The following ASB5 variants were observed in gnomAD, a reference collection of about 807,000 sequenced individuals.
ASB5 encodes ankyrin repeat and SOCS box protein 5.
ASB5 carries 45 observed loss-of-function variants against 42.1 expected under a neutral mutation model. The observed-to-expected ratio is 1.07, with a 90% confidence interval of 0.84 to 1.37. The LOEUF is 1.37. Ranked by LOEUF, ASB5 falls within the 40% of genes most tolerant of loss-of-function variation. The pLI, the probability that ASB5 is intolerant of heterozygous loss-of-function variation, is 0.00. For missense variants in ASB5, 402 were observed against 399.8 expected (o/e 1.01, Z -0.05); for synonymous variants, 147 against 150.6 (o/e 0.98, Z 0.18).
Position 176,220,481 on chromosome 4 carries a change from C to T in ASB5, c.670+674G>A, listed in dbSNP as rs190091685. Reference sequence around the variant, plus strand: ...CAGATGAGAGGATGAGAGAGAGGAACGACGCTAAAGAAAAGAGGGATGGGA... The same window carrying T: ...CAGATGAGAGGATGAGAGAGAGGAATGACGCTAAAGAAAAGAGGGATGGGA... On this transcript the variant is annotated intron_variant, in intron 5 of 6. Coordinates refer to ENST00000296525, the MANE Select transcript of ASB5 (RefSeq NM_080874.4). 9.2e-5 allele frequency among the ~76,000 whole-genome samples: 14 copies of T among 151,924 alleles called. No homozygotes were observed. The East Asian group carries it at 2.1e-3, about 23-fold the overall frequency.
chr4:176,226,491 C>A (rs1753382461), intron 1 of ASB5, among the ~76,000 whole-genome samples: 1 of 152,176 alleles, frequency 6.6e-6, no homozygotes, highest in Non-Finnish European at 1.5e-5. Flanking sequence ...TGAGGGACTT[C>A]TCAGCCTCCA....
At chr4:176,232,027 G>A (rs1364891335) in intron 1 of ASB5, among the ~76,000 whole-genome samples, 1 of 151,974 alleles carries the variant, frequency 6.6e-6, no homozygotes, top group Non-Finnish European at 1.5e-5. Flanking sequence ...ATTATAAGGA[G>A]AGGGAATAAG....
At chr4:176,268,042 T>C (rs1754391935) in intron 1 of ASB5, among the ~76,000 whole-genome samples, 2 of 152,186 alleles carry the variant, frequency 1.3e-5, no homozygotes, top group African/African-American at 4.8e-5. Context: ...GTTTTGGAGG[T>C]ATTTGGGCTA....
At chr4:176,274,113 T>C (rs1313438482), upstream of ASB5, among the ~76,000 whole-genome samples, 1 of 152,132 alleles carries the variant, frequency 6.6e-6, no homozygotes, top group East Asian at 1.9e-4. Flanking sequence ...AGCTTAAAGA[T>C]GCTGGAGGTA....
At chr4:176,243,279 A>G (rs199764271) in intron 1 of ASB5, among the ~76,000 whole-genome samples, 2 of 38,566 alleles carry the variant, frequency 5.2e-5, no homozygotes, top group Non-Finnish European at 9.4e-5. Context: ...AATTAGGTCT[A>G]TCTTTTTAAA....
At chr4:176,241,340 TAA>T in intron 1 of ASB5, 1 of 772,382 alleles carries the variant, frequency 1.3e-6, no homozygotes, top group Non-Finnish European at 2.0e-6. Context: ...TTTAAAAGTG[TAA>T]GTTTCCCATC....
chr4:176,237,820 A>G (rs950122771), intron 1 of ASB5, among the ~76,000 whole-genome samples: 9 of 152,240 alleles, frequency 5.9e-5, no homozygotes, highest in Non-Finnish European at 1.0e-4. Flanking sequence ...AATCAAATGT[A>G]AAATTGCCTG....
intron 1 of ASB5, among the ~76,000 whole-genome samples, chr4:176,236,589 T>C (rs1439785556): frequency 1.3e-5 from 2 of 152,192 alleles, no homozygotes; most frequent in Admixed American, 1.3e-4. Flanking sequence ...TATTTGAAAA[T>C]ATGCTTTGTA....
At chr4:176,237,367 C>T (rs1048545657) in intron 1 of ASB5, 6 of 985,734 alleles carry the variant, frequency 6.1e-6, no homozygotes, top group Middle Eastern at 5.2e-4. Context: ...GCCTTCTTTT[C>T]GTGAGGACCT....
intron 1 of ASB5, among the ~76,000 whole-genome samples, chr4:176,245,752 A>G (rs1467646016): frequency 6.6e-6 from 1 of 152,190 alleles, no homozygotes; most frequent in Non-Finnish European, 1.5e-5. Flanking sequence ...TTGCAGCGAC[A>G]TGGATGAAGC....
At position 176,215,612 on chromosome 4, in the gene ASB5, T is replaced by C. The variant is rs986403806; in HGVS notation, c.978A>G (p.Leu326=). 1.3e-5 allele frequency: 21 copies of C among 1,612,616 alleles called. No individual in the cohort carries two copies. The East Asian group carries it at 4.2e-4, about 33-fold the overall frequency. Residue 326 remains leucine, a synonymous_variant, in exon 7 of 7, where the codon TTA becomes TTG. Coordinates refer to ENST00000296525, the MANE Select transcript of ASB5 (RefSeq NM_080874.4). The part of the protein sequence containing the change: ...LQLPTLLKNF[L]QYR Reference sequence around the variant, plus strand: ...TTACTTTACTGTTTTATCGATACTGTAAGAAATTCTTCAGTAACGTTGGCA... The same window carrying C: ...TTACTTTACTGTTTTATCGATACTGCAAGAAATTCTTCAGTAACGTTGGCA...
chr4:176,232,969 A>G (rs1221435661), intron 1 of ASB5, among the ~76,000 whole-genome samples: 1 of 152,226 alleles, frequency 6.6e-6, no homozygotes, highest in East Asian at 1.9e-4. Context: ...ACCTGAGTTC[A>G]AATTCCAGCA....
intron 1 of ASB5, among the ~76,000 whole-genome samples, chr4:176,235,411 A>C (rs943573531): frequency 3.9e-5 from 6 of 152,170 alleles, no homozygotes; most frequent in African/African-American, 1.4e-4. Flanking sequence ...TTTTTAATCA[A>C]GATACAATCA....
intron 1 of ASB5, among the ~76,000 whole-genome samples, chr4:176,247,355 C>T (rs1284105962): frequency 6.6e-6 from 1 of 152,084 alleles, no homozygotes; most frequent in African/African-American, 2.4e-5. Flanking sequence ...AAAATTGATA[C>T]ATAGAATTTC....
chr4:176,219,542 A>ATATT (rs71244922), intron 5 of ASB5, among the ~76,000 whole-genome samples: 4 of 49,838 alleles, frequency 8.0e-5, no homozygotes, highest in East Asian at 4.0e-4. Flanking sequence ...AAATATATAT[A>ATATT]TGTATGATAT....
chr4:176,242,016 C>T (rs1259288378), intron 1 of ASB5, among the ~76,000 whole-genome samples: 4 of 152,106 alleles, frequency 2.6e-5, no homozygotes, highest in Non-Finnish European at 5.9e-5. Flanking sequence ...GGGGAAGATC[C>T]GGTGACAGGA....
intron 1 of ASB5, among the ~76,000 whole-genome samples, chr4:176,238,519 C>T (rs1180201170): frequency 6.6e-6 from 1 of 152,132 alleles, no homozygotes; most frequent in African/African-American, 2.4e-5. Flanking sequence ...GGCACAGAGT[C>T]TATGATGGAA....
At chr4:176,270,893 C>T (rs1483009734), upstream of ASB5, among the ~76,000 whole-genome samples, 2 of 152,108 alleles carry the variant, frequency 1.3e-5, no homozygotes, top group Non-Finnish European at 2.9e-5. Context: ...TTCAGTGCTT[C>T]GGGATCAGAA....
intron 1 of ASB5, among the ~76,000 whole-genome samples, chr4:176,257,622 G>A (rs182276254): frequency 1.3e-5 from 2 of 152,212 alleles, no homozygotes; most frequent in African/African-American, 4.8e-5. Context: ...CTTATTTTTG[G>A]CAAGCATTGT....
Sources: allele counts gnomAD v4.1 joint callset (sites outside exome capture counted in the v4.1 genomes callset), GRCh38; gene constraint gnomAD v4.1.1; transcripts MANE v1.5; gene names NCBI Gene and HGNC (gene_info 2026-07-23, HGNC 2026-07-21).